ASIC2: variants seen among roughly 807,000 people sequenced by gnomAD.
The protein encoded by ASIC2 is acid-sensing ion channel 2.
In ASIC2, 25 loss-of-function variants were observed where a neutral mutation model predicts 57.3. That is an observed-to-expected ratio of 0.44 (90% CI 0.32 to 0.61). The LOEUF (loss-of-function observed/expected upper bound fraction) is 0.61, where lower values mean the gene tolerates loss of function less well. ASIC2 is among the 20% of genes least tolerant of loss of function. The pLI is 0.06. For synonymous variants in ASIC2, 319 were observed against 307.5 expected (o/e 1.04, Z -0.39); for missense variants, 641 against 738.1 (o/e 0.87, Z 1.52).
intron 1 of ASIC2, among the ~76,000 whole-genome samples, chr17:33,575,162 C>G (rs1488358814): frequency 1.3e-5 from 2 of 152,232 alleles, no homozygotes; most frequent in Non-Finnish European, 2.9e-5. Context: ...ATTCTACCAA[C>G]AGCAGAGTGG....
chr17:33,234,831 C>T (rs1908232404), intron 1 of ASIC2, among the ~76,000 whole-genome samples: 1 of 152,234 alleles, frequency 6.6e-6, no homozygotes, highest in Admixed American at 6.5e-5. Flanking sequence ...TCTTCCACCT[C>T]CCAATGCCAT....
chr17:33,536,703 G>C (rs1230494425), intron 1 of ASIC2, among the ~76,000 whole-genome samples: 1 of 152,172 alleles, frequency 6.6e-6, no homozygotes, highest in Admixed American at 6.5e-5. Flanking sequence ...TAGCCAAAGT[G>C]ATCTTTTAAA....
At chr17:33,772,556 C>T (rs1261893068) in intron 1 of ASIC2, among the ~76,000 whole-genome samples, 1 of 152,168 alleles carries the variant, frequency 6.6e-6, no homozygotes, top group Admixed American at 6.5e-5. Context: ...ACCTTGGCCC[C>T]ACAATATGTA....
At chr17:33,899,449 C>A (rs932791113) in intron 1 of ASIC2, among the ~76,000 whole-genome samples, 9 of 152,132 alleles carry the variant, frequency 5.9e-5, no homozygotes, top group Admixed American at 1.3e-4. Context: ...TCAATTGGGG[C>A]AATACCGCCA....
intron 1 of ASIC2, among the ~76,000 whole-genome samples, chr17:33,840,800 C>A (rs1348407254): frequency 1.9e-5 from 1 of 51,698 alleles, no homozygotes; most frequent in Non-Finnish European, 3.6e-5. Flanking sequence ...CTGGACACAC[C>A]ACACACACAC....
chr17:34,099,164 GAA>G (rs1341138296), intron 1 of ASIC2, among the ~76,000 whole-genome samples: 208 of 5,098 alleles, frequency 0.041, 4 homozygotes, highest in East Asian at 0.19. Context: ...GAGAGAGAGA[GAA>G]AGAAAGAAAG....
In ASIC2 at chr17:33,046,651, G is replaced by A. The variant is rs151124783; in HGVS notation, c.988-18259C>T. Reference sequence around the variant, plus strand: ...CCCTCCATAGCCTCAGAACAGATTTGTTTTCAGCTGACCCAGCACCAAGCT... The same window carrying A: ...CCCTCCATAGCCTCAGAACAGATTTATTTTCAGCTGACCCAGCACCAAGCT... On this transcript the variant is annotated intron_variant, in intron 3 of 9. Transcript: ENST00000225823. 3.0e-4 allele frequency among the ~76,000 whole-genome samples: 45 copies of A among 152,210 alleles called. No individual in the cohort carries two copies. The Middle Eastern group carries it at 0.01, about 35-fold the overall frequency.
At chr17:33,643,010 A>C (rs143524657) in intron 1 of ASIC2, among the ~76,000 whole-genome samples, 1 of 152,250 alleles carries the variant, frequency 6.6e-6, no homozygotes, top group African/African-American at 2.4e-5. Flanking sequence ...CCACGTAGAT[A>C]CTCCAGTAAG....
intron 1 of ASIC2, among the ~76,000 whole-genome samples, chr17:33,880,411 AT>A (rs1399968186): frequency 6.6e-6 from 1 of 152,216 alleles, no homozygotes; most frequent in African/African-American, 2.4e-5. Flanking sequence ...ACAATAAAAA[AT>A]AATAAAGGGG....
chr17:33,290,078 A>G (rs1362357762), intron 1 of ASIC2, among the ~76,000 whole-genome samples: 1 of 152,328 alleles, frequency 6.6e-6, no homozygotes, highest in South Asian at 2.1e-4. Flanking sequence ...CCAGCTGAAA[A>G]TCTCAGGAAA....
intron 1 of ASIC2, among the ~76,000 whole-genome samples, chr17:33,772,213 G>T (rs568938041): frequency 2.2e-4 from 33 of 152,334 alleles, no homozygotes; most frequent in African/African-American, 7.9e-4. Flanking sequence ...TGGGTCATAA[G>T]ACCCTCATTC....
intron 1 of ASIC2, among the ~76,000 whole-genome samples, chr17:33,714,302 AC>A (rs1402583545): frequency 6.6e-6 from 1 of 152,226 alleles, no homozygotes; most frequent in Non-Finnish European, 1.5e-5. Context: ...ATGTAAAAGA[AC>A]GTTCATTGCA....
Position 33,748,857 on chromosome 17 carries a change from C to T in ASIC2, c.555+407121G>A, listed in dbSNP as rs140503303. Among the ~76,000 whole-genome samples the T allele has an allele frequency of 4.5e-3, 689 of 152,328 alleles. 3 individuals carry two copies. Among genetic ancestry groups the T allele is most frequent in the Non-Finnish European group, 5.4e-3 (366 of 68,028 alleles). Reference sequence around the variant, plus strand: ...TTATTATCTGTGGAACGCATGCATGCGAGAGCCACGCAGGAGCTCAAATGG... The same window carrying T: ...TTATTATCTGTGGAACGCATGCATGTGAGAGCCACGCAGGAGCTCAAATGG... On this transcript the variant is annotated intron_variant, in intron 1 of 9. Coordinates refer to the ASIC2 transcript ENST00000359872.
At chr17:34,151,118 AAAAAAAAT>A (rs1904507175) in intron 1 of ASIC2, among the ~76,000 whole-genome samples, 2 of 145,690 alleles carry the variant, frequency 1.4e-5, no homozygotes, top group Non-Finnish European at 3.0e-5. Context: ...AAAAAAAAAA[AAAAAAAAT>A]AAAGAGGTAG....
intron 1 of ASIC2, among the ~76,000 whole-genome samples, chr17:33,843,365 T>C (rs1392053924): frequency 6.6e-6 from 1 of 152,174 alleles, no homozygotes; most frequent in Admixed American, 6.5e-5. Flanking sequence ...GAAAAAAATA[T>C]CTTTCTTGAA....
intron 9 of ASIC2, 121 bp from the exon 10 acceptor site, chr17:33,014,187 C>G (rs1191913064): frequency 2.6e-6 from 2 of 755,692 alleles, no homozygotes; most frequent in Non-Finnish European, 4.7e-6. Context: ...GCTTCTGCTC[C>G]AGACATCTGA....
chr17:33,045,696 T>C (rs1424914227), intron 3 of ASIC2, among the ~76,000 whole-genome samples: 1 of 152,204 alleles, frequency 6.6e-6, no homozygotes, highest in East Asian at 1.9e-4. Context: ...GACATAGTAC[T>C]GAGAGGGAGA....
At chr17:33,467,606 G>A (rs536971092) in intron 1 of ASIC2, among the ~76,000 whole-genome samples, 1 of 152,132 alleles carries the variant, frequency 6.6e-6, no homozygotes, top group East Asian at 1.9e-4. Context: ...TGCTACCTGG[G>A]GGCTTCACCT....
At chr17:33,978,020 T>A (rs1905459060) in intron 1 of ASIC2, among the ~76,000 whole-genome samples, 1 of 152,232 alleles carries the variant, frequency 6.6e-6, no homozygotes, top group Non-Finnish European at 1.5e-5. Context: ...ACTCATGGGC[T>A]GTGGAGTCCT....
Sources: gnomAD v4.1 joint callset for allele counts (sites outside exome capture counted in the v4.1 genomes callset) on GRCh38, gnomAD v4.1.1 for gene constraint, MANE v1.5 for transcripts, NCBI Gene and HGNC (gene_info 2026-07-23, HGNC 2026-07-21) for gene names.